Variants in TEX26 observed in about 807,000 individuals in gnomAD.
The protein encoded by TEX26 is testis expressed 26.
In TEX26, 34 loss-of-function variants were observed where a neutral mutation model predicts 35.3. That is an observed-to-expected ratio of 0.96 (90% confidence interval 0.73 to 1.28). The LOEUF is 1.28. TEX26 is among the 50% of genes most tolerant of loss of function. TEX26 has a pLI of 0.00. For synonymous variants in TEX26, 136 were observed against 111.8 expected (o/e 1.22, Z -1.36); for missense variants, 371 against 330.1 (o/e 1.12, Z -0.96).
At chr13:30,960,331 C>T (rs1954289392) in intron 4 of TEX26, among the ~76,000 whole-genome samples, 1 of 152,152 alleles carries the variant, frequency 6.6e-6, no homozygotes, top group Admixed American at 6.6e-5. Flanking sequence ...CAGCCTCTGC[C>T]TCCCAGATTC....
chr13:30,941,817 G>T (rs1953524304), intron 2 of TEX26, among the ~76,000 whole-genome samples: 2 of 152,060 alleles, frequency 1.3e-5, no homozygotes, highest in Admixed American at 6.5e-5. Context: ...CATCCAAGTT[G>T]CTGCGAAAGA....
chr13:30,973,425 T>C (rs1012201561), intron 6 of TEX26: 1 of 152,208 alleles, frequency 6.6e-6, no homozygotes, highest in Admixed American at 6.5e-5. Context: ...ATGGAAGGAA[T>C]GATCTATATC....
chr13:30,968,758 A>T, intron 5 of TEX26, 127 bp from the exon 6 acceptor site: 1 of 821,334 alleles, frequency 1.2e-6, no homozygotes, highest in South Asian at 1.9e-5. Flanking sequence ...GTCCAGCATC[A>T]TGAAGGATGC....
At chr13:30,936,374 G>A (rs1197612899) in intron 1 of TEX26, among the ~76,000 whole-genome samples, 1 of 152,130 alleles carries the variant, frequency 6.6e-6, no homozygotes, top group African/African-American at 2.4e-5. Context: ...TTCACATGGG[G>A]CTATTTGTTG....
chr13:30,947,834 A>C (rs1395057466), intron 2 of TEX26, among the ~76,000 whole-genome samples: 1 of 151,886 alleles, frequency 6.6e-6, no homozygotes, highest in Non-Finnish European at 1.5e-5. Context: ...GGTGTGCTGC[A>C]CCCATTAACT....
At chr13:30,960,417 G>T (rs1442211578) in intron 4 of TEX26, among the ~76,000 whole-genome samples, 1 of 152,052 alleles carries the variant, frequency 6.6e-6, no homozygotes, top group East Asian at 1.9e-4. Context: ...TAATTTGTTT[G>T]TATTTTTAGT....
chr13:30,951,769 A>G (rs932031484), intron 2 of TEX26, among the ~76,000 whole-genome samples: 1 of 152,178 alleles, frequency 6.6e-6, no homozygotes, highest in African/African-American at 2.4e-5. Context: ...CTCACCTTTA[A>G]GAAAACCAAT....
At chr13:30,955,755 G>T (rs1954104374) in intron 3 of TEX26, among the ~76,000 whole-genome samples, 1 of 152,228 alleles carries the variant, frequency 6.6e-6, no homozygotes, top group Admixed American at 6.5e-5. Context: ...GGAGCGATTT[G>T]CTGGAGTAGA....
chr13:30,950,124 T>C (rs998830469), intron 2 of TEX26, among the ~76,000 whole-genome samples: 4 of 152,196 alleles, frequency 2.6e-5, no homozygotes, highest in African/African-American at 9.6e-5. Flanking sequence ...TCGGAAAAGA[T>C]TCTGGGCATG....
intron 4 of TEX26, among the ~76,000 whole-genome samples, chr13:30,962,683 C>A (rs1954389253): frequency 6.6e-6 from 1 of 152,234 alleles, no homozygotes; most frequent in African/African-American, 2.4e-5. Context: ...GACTGAGGAG[C>A]ACTGAAATGT....
At chr13:30,971,170 G>A (rs563335251) in intron 6 of TEX26, among the ~76,000 whole-genome samples, 1 of 152,188 alleles carries the variant, frequency 6.6e-6, no homozygotes, top group Non-Finnish European at 1.5e-5. Context: ...AAAACAAATG[G>A]AAGTTTCCCT....
chr13:30,973,546 G>C (rs572750371), intron 6 of TEX26: 2 of 152,168 alleles, frequency 1.3e-5, no homozygotes, highest in African/African-American at 4.8e-5. Context: ...AAATACTGGA[G>C]ACAAGGTATG....
At chr13:30,954,025 G>T (rs1954029767) in intron 3 of TEX26, among the ~76,000 whole-genome samples, 1 of 152,156 alleles carries the variant, frequency 6.6e-6, no homozygotes, top group Non-Finnish European at 1.5e-5. Context: ...GGAACATGGT[G>T]GAGGACCAGG....
intron 2 of TEX26, among the ~76,000 whole-genome samples, chr13:30,940,120 G>T (rs2138182048): frequency 6.6e-6 from 1 of 152,124 alleles, no homozygotes; most frequent in South Asian, 2.1e-4. Flanking sequence ...GAGTAGGCAG[G>T]CAATGACAAT....
chr13:30,963,937 A>T (rs1467924733), intron 4 of TEX26, among the ~76,000 whole-genome samples: 1 of 151,836 alleles, frequency 6.6e-6, no homozygotes, highest in African/African-American at 2.4e-5. Flanking sequence ...GACGTTCCAG[A>T]CTCTTCACAG....
rs869246492 is a variant in TEX26, at chr13:30,940,322, C to CTTTTTTTTTTTTTTT, written c.146+559_146+573dup. 2.9e-4 allele frequency among the ~76,000 whole-genome samples: 15 copies of CTTTTTTTTTTTTTTT among 52,076 alleles called. 4 individuals carry two copies. The highest frequency in any genetic ancestry group is 4.4e-4 in the Non-Finnish European group (13 of 29,742). 34.2% of individuals were successfully genotyped at this position (52,076 alleles called of 152,430 possible). A position where few individuals can be genotyped will look rare whatever the true frequency, so the allele number is the denominator to read the frequency against. On this transcript the variant is annotated intron_variant, in intron 2 of 6. Coordinates refer to ENST00000380473, the MANE Select transcript of TEX26 (RefSeq NM_152325.3). ...GTGGGAGTTTCTAAACATCAGCTGC[C>CTTTTTTTTTTTTTTT]TTTTTTTTTTTTTTTTTTTTTTTTT... is the stretch of plus-strand genomic sequence containing the variant.
At chr13:30,964,902 G>C (rs1954474470) in intron 4 of TEX26, among the ~76,000 whole-genome samples, 1 of 152,224 alleles carries the variant, frequency 6.6e-6, no homozygotes, top group South Asian at 2.1e-4. Context: ...GAGTGCCCAT[G>C]ACCCAAACAC....
chr13:30,945,299 T>C (rs928742828), intron 2 of TEX26, among the ~76,000 whole-genome samples: 2 of 151,988 alleles, frequency 1.3e-5, no homozygotes, highest in Non-Finnish European at 2.9e-5. Flanking sequence ...TTGCATGCAA[T>C]ATCTTTTTCC....
intron 2 of TEX26, among the ~76,000 whole-genome samples, chr13:30,948,630 C>G (rs1403408747): frequency 6.6e-6 from 1 of 152,044 alleles, no homozygotes; most frequent in Non-Finnish European, 1.5e-5. Flanking sequence ...ATTGTAGATT[C>G]TGGATATTAG....
Sources: allele counts gnomAD v4.1 joint callset (sites outside exome capture counted in the v4.1 genomes callset), GRCh38; gene constraint gnomAD v4.1.1; transcripts MANE v1.5; gene names NCBI Gene and HGNC (gene_info 2026-07-23, HGNC 2026-07-21).